NOS1AP: variants seen among roughly 807,000 people sequenced by gnomAD.
NOS1AP encodes nitric oxide synthase 1 adaptor protein.
A neutral mutation model predicts 56.2 loss-of-function variants in NOS1AP; 21 were observed. The observed-to-expected ratio is 0.37, with a 90% confidence interval of 0.26 to 0.54. The LOEUF (loss-of-function observed/expected upper bound fraction) is 0.54. Ranked by LOEUF, NOS1AP falls within the 20% of genes least tolerant of loss-of-function variation. The probability of loss-of-function intolerance (pLI) is 0.84; values close to 1 mark genes in which losing one functional copy is unlikely to be tolerated. For synonymous variants in NOS1AP, 270 were observed against 274.6 expected, an observed-to-expected ratio of 0.98 and a Z score of 0.17; for missense variants, 522 against 657.8, an observed-to-expected ratio of 0.79 and a Z score of 2.26.
At chr1:162,296,796 G>A (rs572437841) in intron 3 of NOS1AP, among the ~76,000 whole-genome samples, 114 of 152,292 alleles carry the variant, frequency 7.5e-4, no homozygotes, top group African/African-American at 2.5e-3. Context: ...TGATGGAGGC[G>A]CATCGCAAGC....
At chr1:162,228,690 C>G (rs1653021092) in intron 2 of NOS1AP, among the ~76,000 whole-genome samples, 1 of 152,218 alleles carries the variant, frequency 6.6e-6, no homozygotes, top group African/African-American at 2.4e-5. Context: ...GATCAAGGTT[C>G]CTTTTCTCTA....
chr1:162,177,390 G>A (rs766501118), intron 2 of NOS1AP, among the ~76,000 whole-genome samples: 4 of 152,130 alleles, frequency 2.6e-5, no homozygotes, highest in Admixed American at 2.0e-4. Flanking sequence ...GAGAGAGGCC[G>A]GCCCACGCAT....
intron 2 of NOS1AP, among the ~76,000 whole-genome samples, chr1:162,208,766 T>C (rs780271619): frequency 3.3e-5 from 5 of 152,192 alleles, no homozygotes; most frequent in African/African-American, 7.2e-5. Flanking sequence ...ATAAATACTT[T>C]AGGGGAAATT....
intron 2 of NOS1AP, among the ~76,000 whole-genome samples, chr1:162,237,165 G>T (rs76818404): frequency 0.013 from 2,030 of 152,250 alleles, 45 homozygotes; most frequent in African/African-American, 0.046. Context: ...AGAGCTTCAG[G>T]CTGAAAGTCA....
chr1:162,335,663 A>G (rs1656919362), intron 5 of NOS1AP, among the ~76,000 whole-genome samples: 1 of 152,180 alleles, frequency 6.6e-6, no homozygotes, highest in Non-Finnish European at 1.5e-5. Flanking sequence ...GGAAGCCCGC[A>G]GATGTGGGTG....
chr1:162,205,238 G>A (rs1652120702), intron 2 of NOS1AP, among the ~76,000 whole-genome samples: 1 of 152,226 alleles, frequency 6.6e-6, no homozygotes, highest in African/African-American at 2.4e-5. Flanking sequence ...AGGCATGTGT[G>A]AGCCTGAATA....
chr1:162,208,671 C>T (rs1652245882), intron 2 of NOS1AP, among the ~76,000 whole-genome samples: 1 of 152,186 alleles, frequency 6.6e-6, no homozygotes, highest in Non-Finnish European at 1.5e-5. Context: ...CAAATGTTCC[C>T]TGAAAGGCAA....
intron 2 of NOS1AP, among the ~76,000 whole-genome samples, chr1:162,156,576 G>A (rs182314612): frequency 2.0e-5 from 3 of 152,222 alleles, no homozygotes; most frequent in South Asian, 2.1e-4. Flanking sequence ...CAGCTGGCCT[G>A]TCCTTGGGGT....
intron 2 of NOS1AP, among the ~76,000 whole-genome samples, chr1:162,197,062 G>A (rs150288553): frequency 2.4e-4 from 36 of 152,286 alleles, no homozygotes; most frequent in African/African-American, 8.2e-4. Flanking sequence ...AGCCAGTAAG[G>A]CTCTGCATGG....
chr1:162,238,633 T>C (rs1427617646), intron 2 of NOS1AP, among the ~76,000 whole-genome samples: 2 of 152,210 alleles, frequency 1.3e-5, no homozygotes, highest in Non-Finnish European at 1.5e-5. Flanking sequence ...ATAAATGAAA[T>C]ATGAGTGAGA....
chr1:162,080,034 G>A (rs4656349), intron 1 of NOS1AP, among the ~76,000 whole-genome samples: 82,681 of 151,994 alleles, frequency 0.54, 24,653 homozygotes, highest in Non-Finnish European at 0.68. Flanking sequence ...AGAATCTTAA[G>A]TACGGTATTG....
intron 2 of NOS1AP, among the ~76,000 whole-genome samples, chr1:162,250,877 C>G (rs1347246029): frequency 1.3e-5 from 2 of 152,088 alleles, no homozygotes; most frequent in East Asian, 3.9e-4. Flanking sequence ...TTTTGTAACC[C>G]AAAAGCTAAC....
At chr1:162,331,615 A>G (rs1557881138) in intron 4 of NOS1AP, among the ~76,000 whole-genome samples, 1 of 151,958 alleles carries the variant, frequency 6.6e-6, no homozygotes, top group Non-Finnish European at 1.5e-5. Flanking sequence ...TCTTTCTTCT[A>G]TACAGCACAG....
At chr1:162,328,589 C>A (rs1032134298) in intron 4 of NOS1AP, among the ~76,000 whole-genome samples, 1 of 152,158 alleles carries the variant, frequency 6.6e-6, no homozygotes, top group South Asian at 2.1e-4. Flanking sequence ...GAGTGAGGTA[C>A]AGCACAATGA....
In NOS1AP at chr1:162,316,031, A is replaced by C. The variant is rs149425371; in HGVS notation, c.344+15325A>C. Among the ~76,000 whole-genome samples the C allele has an allele frequency of 5.2e-3, 794 of 152,316 alleles. 9 individuals carry two copies. Among genetic ancestry groups the C allele is most frequent in the African/African-American group, 0.018 (761 of 41,568 alleles). On this transcript the variant is annotated intron_variant, in intron 4 of 9. Coordinates refer to ENST00000361897, the MANE Select transcript of NOS1AP (RefSeq NM_014697.3). ...CGTATTTATTCCATGTAATTGACTT[A>C]TTAAACTTTTGCACAATTCCCAGAA...
At chr1:162,263,575 G>C (rs1654307804) in intron 2 of NOS1AP, among the ~76,000 whole-genome samples, 1 of 152,160 alleles carries the variant, frequency 6.6e-6, no homozygotes, top group Non-Finnish European at 1.5e-5. Flanking sequence ...GTTTCACAGA[G>C]AGGTGGATTC....
chr1:162,346,421 T>G (rs1657296697), intron 6 of NOS1AP, among the ~76,000 whole-genome samples: 1 of 148,692 alleles, frequency 6.7e-6, no homozygotes, highest in Admixed American at 6.9e-5. Flanking sequence ...CTTAAAAAAG[T>G]CAAAGTTTAG....
At position 162,156,698 on chromosome 1, in the gene NOS1AP, T is replaced by G. The variant is rs1386724559; in HGVS notation, c.177+2222T>G. On this transcript the variant is annotated intron_variant, in intron 2 of 9. Transcript: ENST00000361897. ...TGATATCTCTGTTAATAGTAGCTAC[T>G]ATTAGGAATAGCTACTTATGTGCCA... 2.0e-5 allele frequency among the ~76,000 whole-genome samples: 3 copies of G among 152,216 alleles called. No individual in the cohort carries two copies. The East Asian group carries it at 5.8e-4, about 29-fold the overall frequency.
chr1:162,224,571 G>A (rs151050890), intron 2 of NOS1AP, among the ~76,000 whole-genome samples: 52 of 152,290 alleles, frequency 3.4e-4, no homozygotes, highest in African/African-American at 1.1e-3. Flanking sequence ...GATGCAGGTA[G>A]CTGTGGCACT....
Sources: allele counts gnomAD v4.1 joint callset (sites outside exome capture counted in the v4.1 genomes callset), GRCh38; gene constraint gnomAD v4.1.1; transcripts MANE v1.5; gene names NCBI Gene and HGNC (gene_info 2026-07-23, HGNC 2026-07-21).